ZNF652: variants seen among roughly 807,000 people sequenced by gnomAD.
The protein encoded by ZNF652 is zinc finger protein 652.
In ZNF652, 16 loss-of-function variants were observed where a neutral mutation model predicts 45.2. The ratio of observed to expected loss-of-function variants is 0.35; its 90% CI spans 0.24 to 0.54. ZNF652 has a LOEUF of 0.54. Ranked by LOEUF, ZNF652 falls within the 20% of genes least tolerant of loss-of-function variation. The pLI is 0.91. For missense variants in ZNF652, 614 were observed against 765.6 expected, an observed-to-expected ratio of 0.80 and a Z score of 2.34; for synonymous variants, 250 against 260.6, an observed-to-expected ratio of 0.96 and a Z score of 0.39.
At chr17:49,324,832 C>T (rs532278533) in intron 1 of ZNF652, among the ~76,000 whole-genome samples, 3 of 150,248 alleles carry the variant, frequency 2.0e-5, no homozygotes, top group Non-Finnish European at 4.4e-5. Context: ...CCTCCACCTC[C>T]TGGGTTCAAG....
chr17:49,335,416 T>A (rs1187364816), intron 1 of ZNF652, among the ~76,000 whole-genome samples: 1 of 152,170 alleles, frequency 6.6e-6, no homozygotes, highest in East Asian at 1.9e-4. Flanking sequence ...TGACATTTAA[T>A]GTTCTACAAG....
intron 5 of ZNF652, among the ~76,000 whole-genome samples, chr17:49,300,515 C>A (rs1025047134): frequency 1.3e-5 from 2 of 152,178 alleles, no homozygotes; most frequent in African/African-American, 4.8e-5. Context: ...TGCTTCTCTA[C>A]CCAGGCTATA....
chr17:49,331,373 G>A (rs936833232), intron 1 of ZNF652, among the ~76,000 whole-genome samples: 2 of 152,000 alleles, frequency 1.3e-5, no homozygotes, highest in South Asian at 2.1e-4. Context: ...CACCCACCTC[G>A]GCCTCCCAAA....
intron 1 of ZNF652, among the ~76,000 whole-genome samples, chr17:49,349,245 A>C (rs2070244585): frequency 6.6e-6 from 1 of 152,130 alleles, no homozygotes; most frequent in African/African-American, 2.4e-5. Context: ...AATATGGTGA[A>C]ACTTTGTCTC....
At chr17:49,304,826 C>G (rs960284789) in intron 5 of ZNF652, among the ~76,000 whole-genome samples, 21 of 151,786 alleles carry the variant, frequency 1.4e-4, no homozygotes, top group Non-Finnish European at 2.9e-5. Flanking sequence ...GCATTCCAGT[C>G]TGCTTAGGGT....
chr17:49,333,308 C>T (rs561295641), intron 1 of ZNF652, among the ~76,000 whole-genome samples: 3 of 150,708 alleles, frequency 2.0e-5, no homozygotes, highest in Admixed American at 6.6e-5. Flanking sequence ...CCGCCCACCT[C>T]GGCCTCCCAA....
chr17:49,328,473 G>A (rs1009285181), intron 1 of ZNF652, among the ~76,000 whole-genome samples: 8 of 152,120 alleles, frequency 5.3e-5, no homozygotes, highest in Admixed American at 5.2e-4. Context: ...AATGTTGGAG[G>A]TGAGGCCTGG....
At chr17:49,345,618 G>C (rs539552977) in intron 1 of ZNF652, among the ~76,000 whole-genome samples, 1 of 150,824 alleles carries the variant, frequency 6.6e-6, no homozygotes, top group Non-Finnish European at 1.5e-5. Context: ...GAGGTGGGCC[G>C]ATCACGAGGT....
At chr17:49,312,128 C>A in intron 3 of ZNF652, 86 bp from the exon 4 acceptor site, 1 of 747,132 alleles carries the variant, frequency 1.3e-6, no homozygotes, top group Non-Finnish European at 2.2e-6. Context: ...AGCAATTAGG[C>A]CATCCTAATT....
In ZNF652 at chr17:49,298,067, C is replaced by T. The variant is rs1025669028; in HGVS notation, c.*346G>A. On this transcript the variant is annotated 3_prime_UTR_variant, in exon 6 of 6. Transcript: ENST00000430262. ...GTACAAAGGAAACCAGGCCTATCCC[C>T]TCTTTGAGGAGAAGTCTGGGATATA... is the stretch of plus-strand genomic sequence containing the variant. The T allele has an allele frequency of 3.6e-6, 1 of 277,030 alleles. No homozygotes were observed. Among genetic ancestry groups the T allele is most frequent in the African/African-American group, 2.2e-5 (1 of 44,478 alleles). 17.2% of individuals were successfully genotyped at this position (277,030 alleles called of 1,614,324 possible).
At chr17:49,359,635 G>C (rs992067911) in intron 1 of ZNF652, among the ~76,000 whole-genome samples, 1 of 152,072 alleles carries the variant, frequency 6.6e-6, no homozygotes, top group Non-Finnish European at 1.5e-5. Context: ...ATTGCAATAC[G>C]ACCGAAAGGC....
intron 1 of ZNF652, among the ~76,000 whole-genome samples, chr17:49,360,255 T>A (rs1180583848): frequency 5.9e-5 from 9 of 151,642 alleles, no homozygotes; most frequent in Admixed American, 4.0e-4. Context: ...TAATCCTTTT[T>A]AAAAAAAAAC....
chr17:49,290,835 G>A lies in ZNF652; in HGVS notation c.*7578C>T, dbSNP rs2069396301. Reference sequence around the variant, plus strand: ...TACATGAATAAGCTTTGAGCTAAGAGGCTATTCCAGAAGAGATTTAAAAGT... The same window carrying A: ...TACATGAATAAGCTTTGAGCTAAGAAGCTATTCCAGAAGAGATTTAAAAGT... On this transcript the variant is annotated 3_prime_UTR_variant, in exon 6 of 6. Coordinates refer to ENST00000430262, the MANE Select transcript of ZNF652 (RefSeq NM_001145365.3). 1 of 152,168 alleles carries A rather than the reference G, an allele frequency of 6.6e-6. No individual in the cohort carries two copies. Among genetic ancestry groups the A allele is most frequent in the Admixed American group, 6.5e-5 (1 of 15,274 alleles). 9.4% of individuals were successfully genotyped at this position (152,168 alleles called of 1,614,324 possible).
chr17:49,337,273 C>A (rs961687735), intron 1 of ZNF652, among the ~76,000 whole-genome samples: 3 of 148,632 alleles, frequency 2.0e-5, no homozygotes, highest in African/African-American at 7.5e-5. Flanking sequence ...GAGTTCCAGG[C>A]TATAGTAAGC....
rs1389449274 is a variant in ZNF652, at chr17:49,351,004, TATATATATATACACACACACACACACAC to T, written c.-259+10877_-259+10904del. Among the ~76,000 whole-genome samples, 48 of 21,078 alleles carry T rather than the reference TATATATATATACACACACACACACACAC, an allele frequency of 2.3e-3. 1 individual carries two copies. The highest frequency in any genetic ancestry group is 8.2e-3 in the African/African-American group (32 of 3,892). 13.8% of individuals were successfully genotyped at this position (21,078 alleles called of 152,430 possible). A position where few individuals can be genotyped will look rare whatever the true frequency, so the allele number is the denominator to read the frequency against. On this transcript the variant is annotated intron_variant, in intron 1 of 5. Coordinates refer to ENST00000430262, the MANE Select transcript of ZNF652 (RefSeq NM_001145365.3). ...ATATATATATATATATATATATATA[TATATATATATACACACACACACACACAC>T]ACACACACACACACACACACACATA...
intron 1 of ZNF652, chr17:49,361,367 G>C (rs1260569662): frequency 6.6e-6 from 1 of 152,438 alleles, no homozygotes; most frequent in Non-Finnish European, 1.5e-5. Flanking sequence ...AGGAGGAGGT[G>C]GGGGTGGAGA....
At chr17:49,327,850 T>C (rs1447396030) in intron 1 of ZNF652, among the ~76,000 whole-genome samples, 1 of 127,254 alleles carries the variant, frequency 7.9e-6, no homozygotes, top group Non-Finnish European at 1.7e-5. Context: ...AGTCCTGGCC[T>C]CATGTAATCT....
At chr17:49,330,212 T>C (rs111254333) in intron 1 of ZNF652, among the ~76,000 whole-genome samples, 224 of 152,324 alleles carry the variant, frequency 1.5e-3, no homozygotes, top group African/African-American at 5.0e-3. Context: ...TTACAAGATA[T>C]ATAACCTTGG....
intron 1 of ZNF652, among the ~76,000 whole-genome samples, chr17:49,329,243 C>A (rs2069997982): frequency 1.3e-5 from 2 of 152,134 alleles, no homozygotes; most frequent in Admixed American, 6.6e-5. Flanking sequence ...CATCTTCTTG[C>A]AACAAAATGG....
Sources: gnomAD v4.1 joint callset for allele counts (sites outside exome capture counted in the v4.1 genomes callset) on GRCh38, gnomAD v4.1.1 for gene constraint, MANE v1.5 for transcripts, NCBI Gene and HGNC (gene_info 2026-07-23, HGNC 2026-07-21) for gene names.